The following FRMD6 variants were observed in gnomAD, a reference collection of about 807,000 sequenced individuals.
FRMD6 encodes FERM domain-containing protein 6.
Under a neutral mutation model 73.2 loss-of-function variants are expected in FRMD6, and 37 were observed. The observed-to-expected ratio is 0.51, with a 90% CI of 0.39 to 0.66. The LOEUF (loss-of-function observed/expected upper bound fraction) is 0.66. Ranked by LOEUF, FRMD6 falls within the 30% of genes least tolerant of loss-of-function variation. The probability of loss-of-function intolerance (pLI) is 0.00; values close to 1 mark genes in which losing one functional copy is unlikely to be tolerated. For synonymous variants in FRMD6, 273 were observed against 282.2 expected, an observed-to-expected ratio of 0.97 and a Z score of 0.33; for missense variants, 714 against 780.5, an observed-to-expected ratio of 0.91 and a Z score of 1.02.
chr14:51,694,768 A>G (rs1376869599), intron 2 of FRMD6, among the ~76,000 whole-genome samples: 3 of 152,242 alleles, frequency 2.0e-5, no homozygotes, highest in Admixed American at 2.0e-4. Context: ...CATACTATAT[A>G]GCACTTTTTA....
rs371075380 is a variant in FRMD6 at position 51,521,233 on chromosome 14, T to A, written c.-210+31813T>A. On this transcript the variant is annotated intron_variant, in intron 1 of 14. Transcript: ENST00000356218. ...AAACTGTCCAGTAGTATAGGTGTAT[T>A]TTATTCAATGTAAGTTGTAGTTCTG... Among the ~76,000 whole-genome samples the A allele has an allele frequency of 2.6e-4, 40 of 152,280 alleles. No individual in the cohort carries two copies. The South Asian group carries it at 8.3e-3, about 32-fold the overall frequency.
upstream of FRMD6, chr14:51,489,076 T>C (rs925175641): frequency 6.6e-6 from 1 of 152,230 alleles, no homozygotes; most frequent in East Asian, 1.9e-4. Context: ...AGCAATTATA[T>C]GAGTAATGCA....
the FRMD6 span, among the ~76,000 whole-genome samples, chr14:51,459,651 C>T: frequency 1.6e-4 from 24 of 151,986 alleles, no homozygotes; most frequent in African/African-American, 5.5e-4. Context: ...CATGGCGAAA[C>T]CCCGTCTCCA....
intron 2 of FRMD6, chr14:51,637,721 A>C (rs1350123588): frequency 6.6e-6 from 1 of 152,236 alleles, no homozygotes; most frequent in African/African-American, 2.4e-5. Flanking sequence ...AGTCACAAGA[A>C]GGATTTCATT....
At chr14:51,652,318 G>T (rs34657485) in intron 1 of FRMD6, 16,298 of 152,910 alleles carry the variant, frequency 0.11, 1,032 homozygotes, top group South Asian at 0.19. Context: ...GTGGAGCTCG[G>T]GGCGGCTTCA....
At chr14:51,680,948 ATCTCT>A (rs1236678855) in intron 1 of FRMD6, among the ~76,000 whole-genome samples, 1 of 152,186 alleles carries the variant, frequency 6.6e-6, no homozygotes, top group Non-Finnish European at 1.5e-5. Context: ...AGGTATGAAC[ATCTCT>A]ATGACTCTTA....
the FRMD6 span, among the ~76,000 whole-genome samples, chr14:51,465,941 T>C: frequency 5.9e-5 from 9 of 152,356 alleles, no homozygotes; most frequent in Admixed American, 5.9e-4. Context: ...AGAGTTCCAA[T>C]TGCTCCATAT....
At chr14:51,669,615 TGA>T (rs1001869745) in intron 1 of FRMD6, among the ~76,000 whole-genome samples, 1 of 152,220 alleles carries the variant, frequency 6.6e-6, no homozygotes, top group African/African-American at 2.4e-5. Context: ...CTAATAATGT[TGA>T]GTATCATTTC....
intron 1 of FRMD6, among the ~76,000 whole-genome samples, chr14:51,513,559 T>C (rs1292494567): frequency 6.6e-6 from 1 of 152,194 alleles, no homozygotes; most frequent in Non-Finnish European, 1.5e-5. Context: ...GCAAATGCTC[T>C]TATGCTCCCA....
the FRMD6 span, among the ~76,000 whole-genome samples, chr14:51,428,067 C>CAGTAA: frequency 2.6e-5 from 4 of 152,150 alleles, no homozygotes; most frequent in African/African-American, 9.7e-5. Flanking sequence ...TAAGTCTGGG[C>CAGTAA]TGTGGGAAGA....
chr14:51,508,145 C>T (rs1373683516), intron 1 of FRMD6, among the ~76,000 whole-genome samples: 3 of 152,202 alleles, frequency 2.0e-5, no homozygotes, highest in African/African-American at 7.2e-5. Flanking sequence ...AATGAGCACC[C>T]CCCAGCCTGT....
At chr14:51,586,200 A>G (rs1889041355) in intron 2 of FRMD6, among the ~76,000 whole-genome samples, 1 of 151,834 alleles carries the variant, frequency 6.6e-6, no homozygotes. Flanking sequence ...ATTCCCACCA[A>G]CGATGTATAA....
At chr14:51,695,170 GT>G (rs1566572213) in intron 2 of FRMD6, among the ~76,000 whole-genome samples, 1 of 152,066 alleles carries the variant, frequency 6.6e-6, no homozygotes, top group Non-Finnish European at 1.5e-5. Context: ...TGTACCCAAC[GT>G]TTTTAAATAC....
At chr14:51,528,026 C>G (rs1335504384) in intron 1 of FRMD6, among the ~76,000 whole-genome samples, 1 of 152,172 alleles carries the variant, frequency 6.6e-6, no homozygotes, top group Non-Finnish European at 1.5e-5. Flanking sequence ...CCTGTGGTCC[C>G]AGCTACTCCA....
intron 2 of FRMD6, among the ~76,000 whole-genome samples, chr14:51,602,880 C>T (rs1242579092): frequency 6.6e-6 from 1 of 152,174 alleles, no homozygotes; most frequent in African/African-American, 2.4e-5. Flanking sequence ...TCATGCTAAC[C>T]ATGTGGTACT....
the FRMD6 span, among the ~76,000 whole-genome samples, chr14:51,478,906 T>G: frequency 1.3e-5 from 2 of 152,106 alleles, no homozygotes; most frequent in African/African-American, 4.8e-5. Context: ...CACACCATAG[T>G]TGTCAAAAGA....
intron 2 of FRMD6, chr14:51,576,106 G>A (rs11157835): frequency 0.049 from 7,488 of 152,370 alleles, 220 homozygotes; most frequent in Admixed American, 0.069. Context: ...CGACACCCAG[G>A]AGAGTGGGCT....
Position 51,605,139 on chromosome 14 carries a change from C to CTTT in FRMD6, c.-147+34746_-147+34748dup, listed in dbSNP as rs11389733. On this transcript the variant is annotated intron_variant, in intron 2 of 14. Coordinates refer to the FRMD6 transcript ENST00000356218. ...ATGCTATTTACTTCTCTGCAGGTTT[C>CTTT]TTTTTTTTTTTTTTTTTTTATTGAT... 2.3e-4 allele frequency among the ~76,000 whole-genome samples: 27 copies of CTTT among 119,546 alleles called. 1 individual carries two copies. The highest frequency in any genetic ancestry group is 8.3e-4 in the South Asian group (3 of 3,610). The allele number at this position is 119,546 out of a possible 152,430, so 78.4% of individuals were successfully genotyped here.
At chr14:51,413,450 G>A in the FRMD6 span, among the ~76,000 whole-genome samples, 26 of 152,178 alleles carry the variant, frequency 1.7e-4, no homozygotes, top group African/African-American at 6.0e-4. Context: ...CAGAATGATG[G>A]TTTCCATCTT....
Sources: gnomAD v4.1 joint callset for allele counts (sites outside exome capture counted in the v4.1 genomes callset) on GRCh38, gnomAD v4.1.1 for gene constraint, MANE v1.5 for transcripts, NCBI Gene and HGNC (gene_info 2026-07-23, HGNC 2026-07-21) for gene names.